Variants in AP1S3 observed in about 807,000 individuals in gnomAD.
AP1S3 encodes AP-1 complex subunit sigma-3.
A neutral mutation model predicts 20.9 loss-of-function variants in AP1S3; 10 were observed. The observed-to-expected ratio is 0.48, with a 90% CI of 0.29 to 0.81. The LOEUF (loss-of-function observed/expected upper bound fraction) is 0.81, where lower values mean the gene tolerates loss of function less well. AP1S3 is among the 30% of genes least tolerant of loss of function. The probability of loss-of-function intolerance (pLI) is 0.08; values close to 1 mark genes in which losing one functional copy is unlikely to be tolerated. For synonymous variants in AP1S3, 41 were observed against 61.5 expected, an observed-to-expected ratio of 0.67 and a Z score of 1.56; for missense variants, 154 against 183.8, an observed-to-expected ratio of 0.84 and a Z score of 0.94.
chr2:223,792,885 A>G (rs1245977185), intron 1 of AP1S3, among the ~76,000 whole-genome samples: 4 of 152,270 alleles, frequency 2.6e-5, no homozygotes, highest in Admixed American at 2.6e-4. Flanking sequence ...AAAACAAACA[A>G]ACAAACAAAC....
At chr2:223,762,945 A>G (rs76362009) in intron 4 of AP1S3, among the ~76,000 whole-genome samples, 1 of 152,184 alleles carries the variant, frequency 6.6e-6, no homozygotes, top group Non-Finnish European at 1.5e-5. Context: ...AAAAAAAAAA[A>G]AGCAGTAATT....
intron 1 of AP1S3, among the ~76,000 whole-genome samples, chr2:223,816,525 T>C (rs1691847077): frequency 6.6e-6 from 1 of 152,160 alleles, no homozygotes; most frequent in African/African-American, 2.4e-5. Flanking sequence ...ATAGCAAGTA[T>C]TCACAGGAGA....
intron 3 of AP1S3, among the ~76,000 whole-genome samples, chr2:223,774,150 A>T (rs1040416398): frequency 3.3e-5 from 5 of 152,170 alleles, no homozygotes; most frequent in Admixed American, 6.5e-5. Context: ...GGATCGCCCG[A>T]GGTCAGGAGT....
chr2:223,766,755 G>A (rs1390613772), intron 3 of AP1S3, among the ~76,000 whole-genome samples: 3 of 152,186 alleles, frequency 2.0e-5, no homozygotes, highest in Non-Finnish European at 4.4e-5. Flanking sequence ...ACATGCACAT[G>A]TATGTTTGTT....
chr2:223,828,058 TAAAAAAAAAAAAAAAAAAAAAAA>T (rs527671959), intron 1 of AP1S3, among the ~76,000 whole-genome samples: 67,573 of 103,346 alleles, frequency 0.65, 17,949 homozygotes, highest in Admixed American at 0.73. Flanking sequence ...AGACTTCATC[TAAAAAAAAAAAAAAAAAAAAAAA>T]AAAAAAAAAA....
At chr2:223,762,268 A>ATTTTTTTTT (rs57119521) in intron 4 of AP1S3, among the ~76,000 whole-genome samples, 2 of 105,198 alleles carry the variant, frequency 1.9e-5, no homozygotes, top group Non-Finnish European at 3.7e-5. Flanking sequence ...GTGCCCAGCA[A>ATTTTTTTTT]TTTTTTTTTT....
intron 1 of AP1S3, among the ~76,000 whole-genome samples, chr2:223,817,907 G>A (rs755856234): frequency 2.0e-5 from 3 of 151,922 alleles, no homozygotes; most frequent in Non-Finnish European, 4.4e-5. Context: ...TATTCTACAC[G>A]ACAATTACAT....
intron 1 of AP1S3, among the ~76,000 whole-genome samples, chr2:223,809,213 C>G (rs543567339): frequency 2.0e-5 from 3 of 152,240 alleles, no homozygotes; most frequent in African/African-American, 7.2e-5. Flanking sequence ...AACATGCCCC[C>G]TCACGACCTC....
intron 1 of AP1S3, among the ~76,000 whole-genome samples, chr2:223,828,366 G>A (rs1160427207): frequency 2.1e-5 from 3 of 144,190 alleles, no homozygotes; most frequent in Non-Finnish European, 4.5e-5. Flanking sequence ...GCACAATCTC[G>A]GCTCACTGCA....
At chr2:223,830,622 T>G (rs2106041288) in intron 1 of AP1S3, among the ~76,000 whole-genome samples, 1 of 152,304 alleles carries the variant, frequency 6.6e-6, no homozygotes, top group African/African-American at 2.4e-5. Context: ...ATTCCTCATC[T>G]TTGATATACC....
chr2:223,805,108 G>A (rs1441716446), intron 1 of AP1S3, among the ~76,000 whole-genome samples: 4 of 152,174 alleles, frequency 2.6e-5, no homozygotes, highest in Non-Finnish European at 5.9e-5. Flanking sequence ...ACTCATCAGC[G>A]GGCTTAGGAA....
chr2:223,779,211 TAAGC>T (rs1247097052), intron 1 of AP1S3, among the ~76,000 whole-genome samples: 6 of 152,222 alleles, frequency 3.9e-5, no homozygotes, highest in African/African-American at 1.4e-4. Context: ...AAGATTTAAA[TAAGC>T]AGAAGACATT....
chr2:223,812,924 G>T (rs893085715), intron 1 of AP1S3, among the ~76,000 whole-genome samples: 2 of 151,494 alleles, frequency 1.3e-5, no homozygotes, highest in African/African-American at 4.9e-5. Context: ...TTTGTGTGGG[G>T]TTTTTTGTTT....
chr2:223,808,714 T>G (rs1266872669), intron 1 of AP1S3, among the ~76,000 whole-genome samples: 2 of 152,196 alleles, frequency 1.3e-5, no homozygotes, highest in Non-Finnish European at 2.9e-5. Flanking sequence ...CAATAAAATT[T>G]AATAGGCTTG....
rs540728693 is a variant in AP1S3 at position 223,821,316 on chromosome 2, C to A, written c.3+16132G>T. Reference sequence around the variant, plus strand: ...GATTACAGGCACCCGCCACCACACCCAGCTAATTTTTTGTATTTTTAGTAG... The same window carrying A: ...GATTACAGGCACCCGCCACCACACCAAGCTAATTTTTTGTATTTTTAGTAG... On this transcript the variant is annotated intron_variant, in intron 1 of 4. Coordinates refer to ENST00000396654, the MANE Select transcript of AP1S3 (RefSeq NM_001039569.2). Among the ~76,000 whole-genome samples the A allele has an allele frequency of 2.6e-5, 4 of 152,254 alleles. No homozygotes were observed. In the South Asian group the frequency reaches 8.3e-4, roughly 32 times the overall value.
At chr2:223,758,797 C>T in intron 4 of AP1S3, 47 bp from the exon 5 acceptor site, 1 of 1,506,724 alleles carries the variant, frequency 6.6e-7, no homozygotes, top group Non-Finnish European at 9.1e-7. Context: ...TAAGTCACAG[C>T]CTTCCGCAGA....
chr2:223,807,503 C>T (rs917475968), intron 1 of AP1S3, among the ~76,000 whole-genome samples: 1 of 152,094 alleles, frequency 6.6e-6, no homozygotes, highest in African/African-American at 2.4e-5. Flanking sequence ...GGATCTGTGT[C>T]CCCACCCAAA....
intron 1 of AP1S3, among the ~76,000 whole-genome samples, chr2:223,796,651 G>A (rs1691344853): frequency 6.6e-6 from 1 of 151,990 alleles, no homozygotes; most frequent in African/African-American, 2.4e-5. Flanking sequence ...TTATGGGTGT[G>A]TATTCTTCTA....
At chr2:223,806,065 G>A (rs1380523281) in intron 1 of AP1S3, among the ~76,000 whole-genome samples, 1 of 151,932 alleles carries the variant, frequency 6.6e-6, no homozygotes, top group East Asian at 1.9e-4. Context: ...GCCAAACTTG[G>A]GTCAAACACA....
Sources: gnomAD v4.1 joint callset for allele counts (sites outside exome capture counted in the v4.1 genomes callset) on GRCh38, gnomAD v4.1.1 for gene constraint, MANE v1.5 for transcripts, NCBI Gene and HGNC (gene_info 2026-07-23, HGNC 2026-07-21) for gene names.